The following ZBBX variants were observed in gnomAD, a reference collection of about 807,000 sequenced individuals.
The protein encoded by ZBBX is zinc finger B-box domain containing, also known as zinc finger B-box domain-containing protein 1.
A neutral mutation model predicts 108.5 loss-of-function variants in ZBBX; 101 were observed. The ratio of observed to expected loss-of-function variants is 0.93; its 90% CI spans 0.79 to 1.10. The LOEUF is 1.10. ZBBX is among the 50% of genes least tolerant of loss of function. The pLI is 0.00. For missense variants in ZBBX, 1,009 were observed against 941.4 expected (o/e 1.07, Z -0.94); for synonymous variants, 356 against 323.4 (o/e 1.10, Z -1.08).
At chr3:167,393,150 C>T (rs995594380) in intron 1 of ZBBX, among the ~76,000 whole-genome samples, 7 of 151,816 alleles carry the variant, frequency 4.6e-5, no homozygotes, top group East Asian at 1.9e-4. Flanking sequence ...TTAAGGATTA[C>T]ATTTTTCAGC....
chr3:167,182,695 T>C, the ZBBX span, among the ~76,000 whole-genome samples: 2 of 152,204 alleles, frequency 1.3e-5, no homozygotes, highest in African/African-American at 2.4e-5. Flanking sequence ...AAGTTTTAAA[T>C]TTTAATAACT....
Position 167,317,064 on chromosome 3 carries a change from C to T in ZBBX, c.1135G>A (p.Val379Ile). The T allele has an allele frequency of 6.2e-7, 1 of 1,610,916 alleles. No individual in the cohort carries two copies. The highest frequency in any genetic ancestry group is 1.1e-5 in the South Asian group (1 of 90,902). ...KVQHTALLLP[V>I]ETLNIERPEP... ...GGTCTCTCTATGTTTAATGTTTCTA[C>T]TGGCAATAAAAGAGCTGTGTGTTGT... The change falls in exon 14 of 22, where the codon GTA becomes ATA. Residue 379 changes from valine (V) to isoleucine (I), a missense_variant. Transcript: ENST00000675490.
In ZBBX at chr3:167,398,914, A is replaced by G. The variant is rs184665604; in HGVS notation, c.-446+8812T>C. Among the ~76,000 whole-genome samples the G allele has an allele frequency of 2.7e-3, 408 of 152,122 alleles. 4 individuals are homozygous for G. The highest frequency in any genetic ancestry group is 3.8e-3 in the Non-Finnish European group (259 of 67,964). On this transcript the variant is annotated intron_variant, in intron 1 of 21. Transcript: ENST00000455345. ...TAATCTATTCATGGATTAATAGATTAATGAAATACTGGATTAATGGGTTAT... is the reference window on the plus strand; with the variant it reads ...TAATCTATTCATGGATTAATAGATTGATGAAATACTGGATTAATGGGTTAT...
chr3:167,334,833 G>A (rs1410664921), intron 9 of ZBBX, among the ~76,000 whole-genome samples: 2 of 152,154 alleles, frequency 1.3e-5, no homozygotes, highest in South Asian at 2.1e-4. Context: ...GTGATAAAAC[G>A]TCTTTAGAAA....
the ZBBX span, among the ~76,000 whole-genome samples, chr3:167,205,122 T>C: frequency 6.6e-6 from 1 of 152,112 alleles, no homozygotes; most frequent in African/African-American, 2.4e-5. Flanking sequence ...AGATCTAAAA[T>C]ACAATTCAAT....
At chr3:167,301,732 T>G (rs1412823007) in intron 17 of ZBBX, among the ~76,000 whole-genome samples, 1 of 152,106 alleles carries the variant, frequency 6.6e-6, no homozygotes, top group Non-Finnish European at 1.5e-5. Context: ...CCAAGGCGGT[T>G]GGATCGCGAG....
chr3:167,287,509 A>T (rs1242150398), intron 19 of ZBBX, among the ~76,000 whole-genome samples: 1 of 152,158 alleles, frequency 6.6e-6, no homozygotes, highest in African/African-American at 2.4e-5. Context: ...CTTAAGCAAT[A>T]GAGATAAGAG....
chr3:167,277,396 A>G (rs1268008377), intron 20 of ZBBX, among the ~76,000 whole-genome samples: 2 of 152,274 alleles, frequency 1.3e-5, no homozygotes, highest in South Asian at 2.1e-4. Flanking sequence ...ATAAAAGGAT[A>G]GAGGAAGATC....
chr3:167,194,515 C>A, the ZBBX span, among the ~76,000 whole-genome samples: 1 of 152,130 alleles, frequency 6.6e-6, no homozygotes, highest in African/African-American at 2.4e-5. Context: ...TGATCTTGGA[C>A]TCCTGTGCGT....
chr3:167,372,380 G>C (rs1449226819), intron 4 of ZBBX, among the ~76,000 whole-genome samples: 1 of 152,084 alleles, frequency 6.6e-6, no homozygotes, highest in South Asian at 2.1e-4. Flanking sequence ...TAATTGTTTG[G>C]CTCTGGCTGA....
chr3:167,279,276 G>A (rs960998796), intron 20 of ZBBX, among the ~76,000 whole-genome samples: 2 of 151,860 alleles, frequency 1.3e-5, no homozygotes, highest in Admixed American at 1.3e-4. Context: ...GAAATAAAGG[G>A]TATTCAATTA....
At chr3:167,183,938 T>G in the ZBBX span, among the ~76,000 whole-genome samples, 1 of 152,212 alleles carries the variant, frequency 6.6e-6, no homozygotes, top group East Asian at 1.9e-4. Context: ...TCATGAGAAC[T>G]GATTCTTAGA....
At position 167,301,085 on chromosome 3, in the gene ZBBX, C is replaced by G. The variant is rs111781535; in HGVS notation, c.1726-2627G>C. Among the ~76,000 whole-genome samples the G allele has an allele frequency of 6.1e-3, 936 of 152,240 alleles. 7 individuals carry two copies. The highest frequency in any genetic ancestry group is 0.02 in the African/African-American group (836 of 41,528). On this transcript the variant is annotated intron_variant, in intron 17 of 21. Coordinates refer to ENST00000675490, the MANE Select transcript of ZBBX (RefSeq NM_001199201.2). ...ATTCTCTCTCTCCTCCCACTCATCA[C>G]CCTCTGATAAGCCCCAGTGTATGCT...
At chr3:167,227,376 A>C in the ZBBX span, among the ~76,000 whole-genome samples, 3 of 151,684 alleles carry the variant, frequency 2.0e-5, no homozygotes, top group Non-Finnish European at 4.4e-5. Context: ...GCCTTTAGGA[A>C]GGACAAAGCA....
At chr3:167,277,062 C>A (rs914245542) in intron 20 of ZBBX, among the ~76,000 whole-genome samples, 1 of 151,886 alleles carries the variant, frequency 6.6e-6, no homozygotes, top group Admixed American at 6.6e-5. Flanking sequence ...TTTATCACCA[C>A]CAGGCCTGCC....
the ZBBX span, among the ~76,000 whole-genome samples, chr3:167,229,059 C>T: frequency 3.3e-5 from 5 of 151,804 alleles, no homozygotes; most frequent in Admixed American, 2.0e-4. Flanking sequence ...TTAAGATAAA[C>T]TTAGCAAGTG....
the ZBBX span, among the ~76,000 whole-genome samples, chr3:167,185,780 C>T: frequency 1.3e-5 from 2 of 152,044 alleles, no homozygotes; most frequent in African/African-American, 2.4e-5. Context: ...TGCTTTTCCA[C>T]CTACAAGTAA....
intron 4 of ZBBX, among the ~76,000 whole-genome samples, chr3:167,371,176 T>C (rs1746108448): frequency 6.6e-6 from 1 of 152,180 alleles, no homozygotes; most frequent in Non-Finnish European, 1.5e-5. Flanking sequence ...GGAATAGTGA[T>C]TCCAACCTAT....
At chr3:167,280,098 C>T (rs1207015483) in intron 20 of ZBBX, among the ~76,000 whole-genome samples, 1 of 152,018 alleles carries the variant, frequency 6.6e-6, no homozygotes, top group East Asian at 1.9e-4. Flanking sequence ...AAAATCAATT[C>T]AAGATGGATT....
Sources: allele counts gnomAD v4.1 joint callset (sites outside exome capture counted in the v4.1 genomes callset), GRCh38; gene constraint gnomAD v4.1.1; transcripts MANE v1.5; gene names NCBI Gene and HGNC (gene_info 2026-07-23, HGNC 2026-07-21).